Variants in DLGAP2 observed in about 807,000 individuals in gnomAD.
The protein encoded by DLGAP2 is DLG associated protein 2, also known as disks large-associated protein 2.
In DLGAP2, 26 loss-of-function variants were observed where a neutral mutation model predicts 100.3. The observed-to-expected ratio is 0.26, with a 90% CI of 0.19 to 0.36. DLGAP2 has a LOEUF of 0.36. DLGAP2 is among the 10% of genes least tolerant of loss of function. The pLI is 1.00. For synonymous variants in DLGAP2, 886 were observed against 630.1 expected, an observed-to-expected ratio of 1.41 and a Z score of -6.08; for missense variants, 1,858 against 1,453.2, an observed-to-expected ratio of 1.28 and a Z score of -4.53.
At chr8:1,154,244 C>T (rs533246735) in intron 2 of DLGAP2, among the ~76,000 whole-genome samples, 1 of 152,224 alleles carries the variant, frequency 6.6e-6, no homozygotes, top group South Asian at 2.1e-4. Context: ...AAATGCCTTG[C>T]AAAGCAAATG....
At chr8:1,577,329 G>A (rs1241281675) in intron 6 of DLGAP2, among the ~76,000 whole-genome samples, 1 of 152,166 alleles carries the variant, frequency 6.6e-6, no homozygotes, top group African/African-American at 2.4e-5. Context: ...AGCACTTTGG[G>A]AGGCCAAGGT....
chr8:1,338,851 T>C (rs1221552190), intron 3 of DLGAP2, among the ~76,000 whole-genome samples: 7 of 80,092 alleles, frequency 8.7e-5, no homozygotes, highest in African/African-American at 3.6e-4. Flanking sequence ...TGGCAGGGAA[T>C]GCAGTGACTT....
At chr8:1,271,998 G>A (rs937352256) in intron 3 of DLGAP2, among the ~76,000 whole-genome samples, 1 of 151,984 alleles carries the variant, frequency 6.6e-6, no homozygotes, top group Non-Finnish European at 1.5e-5. Context: ...TTTTTTAGTA[G>A]AGATGGGATT....
intron 4 of DLGAP2, among the ~76,000 whole-genome samples, chr8:1,540,397 A>C: frequency 6.6e-6 from 1 of 152,142 alleles, no homozygotes; most frequent in Non-Finnish European, 1.5e-5. Flanking sequence ...GTGCTTTGTA[A>C]ATTTTGTTTG....
intron 3 of DLGAP2, among the ~76,000 whole-genome samples, chr8:1,489,169 C>T (rs1426131743): frequency 6.6e-6 from 1 of 152,178 alleles, no homozygotes; most frequent in Non-Finnish European, 1.5e-5. Context: ...GCCTGGGAAA[C>T]AACATTCCAT....
At chr8:1,184,569 T>TG (rs1351478472) in intron 2 of DLGAP2, among the ~76,000 whole-genome samples, 1 of 152,082 alleles carries the variant, frequency 6.6e-6, no homozygotes, top group Non-Finnish European at 1.5e-5. Context: ...ACAGAACGGG[T>TG]GGTCGACCTG....
chr8:1,233,032 TGGC>T (rs2116837655), intron 2 of DLGAP2, among the ~76,000 whole-genome samples: 1 of 152,340 alleles, frequency 6.6e-6, no homozygotes, highest in East Asian at 1.9e-4. Context: ...CATCTGGCAT[TGGC>T]GGAATTTTGT....
intron 2 of DLGAP2, among the ~76,000 whole-genome samples, chr8:1,182,452 G>A (rs1224091256): frequency 6.6e-6 from 1 of 152,188 alleles, no homozygotes; most frequent in Non-Finnish European, 1.5e-5. Context: ...GTCTGCATGA[G>A]ATGTGGGTTG....
chr8:1,186,272 C>T (rs901863010), intron 2 of DLGAP2, among the ~76,000 whole-genome samples: 2 of 152,266 alleles, frequency 1.3e-5, no homozygotes, highest in African/African-American at 2.4e-5. Context: ...GGCCGAGCAT[C>T]TGCGAACCTT....
chr8:1,507,233 C>A (rs1234835551), intron 4 of DLGAP2, among the ~76,000 whole-genome samples: 1 of 152,218 alleles, frequency 6.6e-6, no homozygotes, highest in African/African-American at 2.4e-5. Flanking sequence ...GAGGCTTGGG[C>A]CGCGCGGGAG....
intron 2 of DLGAP2, among the ~76,000 whole-genome samples, chr8:961,475 G>A (rs947014681): frequency 2.0e-5 from 3 of 152,108 alleles, no homozygotes; most frequent in Non-Finnish European, 4.4e-5. Context: ...CTTTCTTTAA[G>A]GTGTGTACTT....
chr8:1,033,624 C>T (rs1240816956), intron 2 of DLGAP2, among the ~76,000 whole-genome samples: 1 of 152,186 alleles, frequency 6.6e-6, no homozygotes, highest in Non-Finnish European at 1.5e-5. Flanking sequence ...GCTGAGGTTA[C>T]ACTCTGCACT....
intron 2 of DLGAP2, among the ~76,000 whole-genome samples, chr8:999,118 G>C (rs1020228152): frequency 1.3e-5 from 2 of 151,994 alleles, no homozygotes; most frequent in African/African-American, 4.8e-5. Flanking sequence ...ACCTAGTTAG[G>C]ACATTTTCTG....
chr8:820,607 C>A (rs1796565899), intron 1 of DLGAP2, among the ~76,000 whole-genome samples: 1 of 152,086 alleles, frequency 6.6e-6, no homozygotes, highest in African/African-American at 2.4e-5. Context: ...CTATTTTTTT[C>A]CACCAGAGGC....
intron 2 of DLGAP2, among the ~76,000 whole-genome samples, chr8:958,132 C>G (rs942094496): frequency 6.6e-6 from 1 of 152,108 alleles, no homozygotes; most frequent in African/African-American, 2.4e-5. Flanking sequence ...CGGAGTTATA[C>G]AATATTTATA....
chr8:1,424,458 G>A (rs1424094545), intron 3 of DLGAP2, among the ~76,000 whole-genome samples: 2 of 152,214 alleles, frequency 1.3e-5, no homozygotes, highest in East Asian at 1.9e-4. Context: ...GTTCAATTGT[G>A]TATAGCTGCC....
chr8:1,315,316 T>G (rs367564522), intron 3 of DLGAP2, among the ~76,000 whole-genome samples: 6,304 of 70,614 alleles, frequency 0.089, 11 homozygotes, highest in Middle Eastern at 0.23. Context: ...CTCTCCAACA[T>G]TGGTCTACAC....
At chr8:1,466,357 C>A (rs1265283560) in intron 3 of DLGAP2, among the ~76,000 whole-genome samples, 2 of 152,084 alleles carry the variant, frequency 1.3e-5, no homozygotes, top group Admixed American at 6.5e-5. Flanking sequence ...GCCGTGGCTG[C>A]CGCAGGAGAC....
intron 3 of DLGAP2, among the ~76,000 whole-genome samples, chr8:1,313,579 A>G (rs1800661227): frequency 6.6e-6 from 1 of 152,194 alleles, no homozygotes; most frequent in Admixed American, 6.5e-5. Flanking sequence ...CCTGTGGAAC[A>G]CCATAACACT....
Sources: gnomAD v4.1 joint callset for allele counts (sites outside exome capture counted in the v4.1 genomes callset) on GRCh38, gnomAD v4.1.1 for gene constraint, MANE v1.5 for transcripts, NCBI Gene and HGNC (gene_info 2026-07-23, HGNC 2026-07-21) for gene names.